DNAH3: variants seen among roughly 807,000 people sequenced by gnomAD.
DNAH3 encodes axonemal beta dynein heavy chain 3.
A neutral mutation model predicts 432.5 loss-of-function variants in DNAH3; 332 were observed. The ratio of observed to expected loss-of-function variants is 0.77; its 90% CI spans 0.70 to 0.84. The LOEUF (loss-of-function observed/expected upper bound fraction) is 0.84, where lower values mean the gene tolerates loss of function less well. Among genes scored for constraint, DNAH3 ranks in the 40% least tolerant of loss-of-function variants. DNAH3 has a pLI of 0.00. For missense variants in DNAH3, 4,861 were observed against 5,114.0 expected (o/e 0.95, Z 1.51); for synonymous variants, 1,956 against 1,900.2 (o/e 1.03, Z -0.76).
At chr16:21,145,518 T>TG in intron 2 of DNAH3, 112 bp from the exon 4 acceptor site, 1 of 846,894 alleles carries the variant, frequency 1.2e-6, no homozygotes, top group South Asian at 1.6e-5. Flanking sequence ...GCTATGTTTC[T>TG]GCCTTCTGCA....
chr16:20,965,366 A>G lies in DNAH3; in HGVS notation c.8518T>C (p.Leu2840=). Residue 2840 remains leucine, a synonymous_variant, in exon 53 of 62, where the codon TTG becomes CTG. Transcript: ENST00000261383. ...TTGTCATATGTCTTAAGACTCTCCA[A>G]GAATTTCAGATCCCCAAGAATCTTT... The G allele has an allele frequency of 4.5e-6, 7 of 1,547,626 alleles. 1 individual carries two copies. The South Asian group carries it at 8.6e-5, about 19-fold the overall frequency.
At chr16:20,985,512 C>T (rs372411355) in exon 48 of DNAH3, 1 of 1,614,128 alleles carries the variant, frequency 6.2e-7, no homozygotes, top group Non-Finnish European at 8.5e-7. Flanking sequence ...CAATGGCAAA[C>T]CTGAACATGA....
chr16:20,968,959 C>T (rs1025065310), intron 52 of DNAH3, among the ~76,000 whole-genome samples: 11 of 152,060 alleles, frequency 7.2e-5, no homozygotes, highest in African/African-American at 2.7e-4. Context: ...ATTTCTCTGT[C>T]GCTCTCTGCA....
At chr16:20,957,642 A>G (rs943637154) in intron 54 of DNAH3, among the ~76,000 whole-genome samples, 4 of 151,696 alleles carry the variant, frequency 2.6e-5, no homozygotes, top group African/African-American at 7.3e-5. Context: ...GAGAAACCCC[A>G]TCTCTACTAA....
At chr16:21,034,137 A>G (rs1238596861) in intron 35 of DNAH3, 52 bp from the exon 36 acceptor site, 1 of 1,218,758 alleles carries the variant, frequency 8.2e-7, no homozygotes, top group African/African-American at 1.5e-5. Flanking sequence ...ACGCTCCCCC[A>G]TTGTGAGTTA....
At chr16:21,099,613 A>G (rs1221713745) in intron 16 of DNAH3, among the ~76,000 whole-genome samples, 2 of 152,160 alleles carry the variant, frequency 1.3e-5, no homozygotes, top group Non-Finnish European at 2.9e-5. Flanking sequence ...CTTAGTAGCT[A>G]TGTAGTCTTG....
At position 21,152,992 on chromosome 16, in the gene DNAH3, G is replaced by A. The variant is rs572537582; in HGVS notation, c.117+6333C>T. Among the ~76,000 whole-genome samples, 12 of 152,296 alleles carry A rather than the reference G, an allele frequency of 7.9e-5. 1 individual carries two copies. The South Asian group carries it at 8.3e-4, about 11-fold the overall frequency. ...GGGCTGAGGAGTGCGGGCCCACGGCGCGGGACTGGCAGGCAGCTCCACCTG... is the reference window on the plus strand; with the variant it reads ...GGGCTGAGGAGTGCGGGCCCACGGCACGGGACTGGCAGGCAGCTCCACCTG... On this transcript the variant is annotated intron_variant, in intron 1 of 61. Transcript: ENST00000261383.
At chr16:21,106,657 C>T in exon 15 of DNAH3, 1 of 1,543,084 alleles carries the variant, frequency 6.5e-7, no homozygotes, top group East Asian at 2.3e-5. Context: ...TGCGATGTGG[C>T]TGTACTGATT....
intron 18 of DNAH3, among the ~76,000 whole-genome samples, chr16:21,090,272 A>G (rs2091492086): frequency 6.6e-6 from 1 of 152,050 alleles, no homozygotes; most frequent in Non-Finnish European, 1.5e-5. Flanking sequence ...AAATAACAGC[A>G]AAACCTGTAT....
At chr16:21,115,472 C>T (rs976302878) in intron 12 of DNAH3, among the ~76,000 whole-genome samples, 4 of 151,662 alleles carry the variant, frequency 2.6e-5, no homozygotes, top group Admixed American at 6.6e-5. Context: ...TTTGGGAGGC[C>T]GAGGTGAGTG....
chr16:21,017,967 C>G (rs1396642959), intron 41 of DNAH3, among the ~76,000 whole-genome samples: 2 of 151,978 alleles, frequency 1.3e-5, no homozygotes, highest in Non-Finnish European at 2.9e-5. Flanking sequence ...CATACCTGGT[C>G]ATCCCTCTAT....
intron 41 of DNAH3, among the ~76,000 whole-genome samples, chr16:21,006,065 G>T (rs2087288564): frequency 6.6e-6 from 1 of 152,022 alleles, no homozygotes; most frequent in African/African-American, 2.4e-5. Context: ...CTATTGATTG[G>T]AGTTCTTAAG....
At chr16:21,073,807 A>T (rs2090879182) in intron 21 of DNAH3, among the ~76,000 whole-genome samples, 1 of 152,054 alleles carries the variant, frequency 6.6e-6, no homozygotes, top group African/African-American at 2.4e-5. Context: ...GTCGTTCCTG[A>T]GGGGGTCTTG....
chr16:21,096,656 ATTTG>A (rs2091689757), intron 18 of DNAH3, among the ~76,000 whole-genome samples: 2 of 150,478 alleles, frequency 1.3e-5, no homozygotes, highest in Middle Eastern at 3.5e-3. Context: ...GTTTTTTTTT[ATTTG>A]TTTGTTTTGT....
chr16:20,937,234 A>C (rs1400387828), intron 59 of DNAH3, among the ~76,000 whole-genome samples: 3 of 152,078 alleles, frequency 2.0e-5, no homozygotes, highest in Non-Finnish European at 4.4e-5. Context: ...AGCTCACTGC[A>C]GCCTCAAACT....
At chr16:21,005,181 CTT>C (rs750194939) in intron 41 of DNAH3, among the ~76,000 whole-genome samples, 34 of 150,484 alleles carry the variant, frequency 2.3e-4, no homozygotes, top group Non-Finnish European at 4.0e-4. Flanking sequence ...TTTTCTTTTT[CTT>C]TCTCTTTCTC....
chr16:21,059,541 G>A (rs774549966), intron 26 of DNAH3, among the ~76,000 whole-genome samples: 9 of 152,242 alleles, frequency 5.9e-5, no homozygotes, highest in Admixed American at 1.3e-4. Flanking sequence ...TTGGGAGACC[G>A]AGGCAAGTGG....
At chr16:20,967,628 G>A (rs141638790) in intron 52 of DNAH3, among the ~76,000 whole-genome samples, 36 of 148,334 alleles carry the variant, frequency 2.4e-4, no homozygotes, top group Non-Finnish European at 4.3e-4. Context: ...TCAGCCTTCC[G>A]TGTAGCTGGG....
chr16:20,947,850 C>T (rs985132888), intron 57 of DNAH3, among the ~76,000 whole-genome samples: 3 of 152,102 alleles, frequency 2.0e-5, no homozygotes, highest in Non-Finnish European at 4.4e-5. Context: ...GGTCTCAGCT[C>T]ACCACAACCT....
Sources: allele counts gnomAD v4.1 joint callset (sites outside exome capture counted in the v4.1 genomes callset), GRCh38; gene constraint gnomAD v4.1.1; transcripts MANE v1.5; gene names NCBI Gene and HGNC (gene_info 2026-07-23, HGNC 2026-07-21).